Variants in ARHGAP45 observed in about 807,000 individuals in gnomAD.
ARHGAP45 encodes rho GTPase-activating protein 45.
A neutral mutation model predicts 116.1 loss-of-function variants in ARHGAP45; 56 were observed. The observed-to-expected ratio is 0.48, with a 90% CI of 0.39 to 0.60. The LOEUF is 0.60. ARHGAP45 is among the 20% of genes least tolerant of loss of function. The probability of loss-of-function intolerance (pLI) is 0.00; values close to 1 mark genes in which losing one functional copy is unlikely to be tolerated. For synonymous variants in ARHGAP45, 866 were observed against 701.7 expected (o/e 1.23, Z -3.70); for missense variants, 1,622 against 1,601.0 (o/e 1.01, Z -0.22).
chr19:1,072,009 G>C (rs1022443127), intron 2 of ARHGAP45, among the ~76,000 whole-genome samples: 21 of 151,502 alleles, frequency 1.4e-4, no homozygotes, highest in African/African-American at 5.1e-4. Flanking sequence ...TGTACTCTCT[G>C]CTTTTTTCTT....
Position 1,067,286 on chromosome 19 carries a change from G to A in ARHGAP45, c.-120G>A, listed in dbSNP as rs1169112295. ...CCAGTGACGGCCGGGCCTGTCACGT[G>A]GGCCTGACAGCTGGGGAGGGGGTGG... On this transcript the variant is annotated 5_prime_UTR_variant, in exon 1 of 23. Transcript: ENST00000313093. 10 of 1,415,218 alleles carry A rather than the reference G, an allele frequency of 7.1e-6. No homozygotes were observed. In the East Asian group the frequency reaches 2.3e-4, roughly 32 times the overall value. The allele number at this position is 1,415,218 out of a possible 1,614,324, so 87.7% of individuals were successfully genotyped here.
chr19:1,079,713 C>G lies in ARHGAP45; in HGVS notation c.1385C>G (p.Ala462Gly). ...CCGCCCCCACCGCAGGCGGAGGAAG[C>G]TATGGCCACCTACCGCACCTGCGTG... ...EEEAKNKAEE[A>G]MATYRTCVAD... The change falls in exon 12 of 23, where the codon GCT (alanine) becomes GGT (glycine). Residue 462 changes from alanine (A) to glycine (G), a missense_variant. This residue lies in a region of ARHGAP45 where 1,334 missense variants were observed against 1,263.8 expected (regional missense o/e 1.06). Coordinates refer to ENST00000313093, the MANE Select transcript of ARHGAP45 (RefSeq NM_012292.5). 5.0e-6 allele frequency: 8 copies of G among 1,612,612 alleles called. No homozygotes were observed. The highest frequency in any genetic ancestry group is 5.9e-6 in the Non-Finnish European group (7 of 1,179,752).
intron 17 of ARHGAP45, 99 bp from the exon 18 acceptor site, chr19:1,081,451 G>A (rs1369993068): frequency 2.5e-6 from 3 of 1,194,076 alleles, no homozygotes; most frequent in South Asian, 1.7e-5. Context: ...GCTGCCGTGT[G>A]GGGGCTGTGA....
intron 17 of ARHGAP45, chr19:1,081,305 C>G (rs924904358): frequency 3.1e-6 from 2 of 641,726 alleles, no homozygotes; most frequent in South Asian, 2.2e-5. Flanking sequence ...GGGCTGTGGC[C>G]AGAAGACCTG....
rs528935876 is a variant in ARHGAP45 at position 1,080,847 on chromosome 19, G to A, written c.2018-45G>A. ...GGTTTGGACACAGTCCATGGGCCTG[G>A]CCCTGAGCTGCCTTGGTGACACCGG... On this transcript the variant is annotated intron_variant, in intron 16 of 22. Coordinates refer to ENST00000313093, the MANE Select transcript of ARHGAP45 (RefSeq NM_012292.5). 1.1e-5 allele frequency: 17 copies of A among 1,606,768 alleles called. No individual in the cohort carries two copies. In the South Asian group the frequency reaches 1.3e-4, roughly 13 times the overall value.
chr19:1,073,268 G>A lies in ARHGAP45; in HGVS notation c.541G>A (p.Gly181Ser), dbSNP rs1428656872. ...CACCGTGGAGACGCTCACCGCAGCC[G>A]GCACCCTCATTGCCAAGGTCAAAGG... ...LNTVETLTAA[G>S]TLIAKVKAFH... is the part of the protein sequence containing the mutation. Residue 181 changes from glycine to serine, a missense_variant, in exon 3 of 23, where the codon GGC (glycine) becomes AGC (serine). By Grantham distance (56) the Gly-to-Ser change is moderately conservative (BLOSUM62 0). Coordinates refer to ENST00000313093, the MANE Select transcript of ARHGAP45 (RefSeq NM_012292.5). 3 of 1,613,590 alleles carry A rather than the reference G, an allele frequency of 1.9e-6. No individual in the cohort carries two copies. The highest frequency in any genetic ancestry group is 1.7e-5 in the Admixed American group (1 of 60,014).
chr19:1,071,070 C>G lies in ARHGAP45; in HGVS notation c.422-2079C>G, dbSNP rs1262814946. Among the ~76,000 whole-genome samples the G allele has an allele frequency of 6.6e-6, 1 of 152,192 alleles. No individual in the cohort carries two copies. The highest frequency in any genetic ancestry group is 2.1e-4 in the South Asian group (1 of 4,836). Reference sequence around the variant, plus strand: ...GCTTCCTCGTTCCCGGGCTTCAGGTCTGGGCCTCAGTTTCCCTGCCCGTCC... The same window carrying G: ...GCTTCCTCGTTCCCGGGCTTCAGGTGTGGGCCTCAGTTTCCCTGCCCGTCC... On this transcript the variant is annotated intron_variant, in intron 2 of 22. Transcript: ENST00000313093. The surrounding 1 kb of genome is among the most constrained non-coding windows in gnomAD (Gnocchi z 4.6).
chr19:1,084,099 T>G, intron 21 of ARHGAP45, 139 bp from the exon 22 acceptor site: 1 of 753,056 alleles, frequency 1.3e-6, no homozygotes. Flanking sequence ...GTTTCTCGGG[T>G]TTGCTCTTGG....
chr19:1,074,097 C>T lies in ARHGAP45; in HGVS notation c.791-7C>T, dbSNP rs762981282. The T allele has an allele frequency of 6.2e-7, 1 of 1,611,164 alleles. No individual in the cohort carries two copies. The highest frequency in any genetic ancestry group is 1.1e-5 in the South Asian group (1 of 90,844). ...GGCCAGGCTGAGCAGGCCCCCGTTC[C>T]CTGCAGGCTGCCTGCCCGCCGAGGA... On this transcript the variant is annotated splice_polypyrimidine_tract_variant and splice_region_variant and intron_variant, in intron 6 of 22. Coordinates refer to ENST00000313093, the MANE Select transcript of ARHGAP45 (RefSeq NM_012292.5).
At chr19:1,067,088 G>T, upstream of ARHGAP45, 1 of 896,484 alleles carries the variant, frequency 1.1e-6, no homozygotes, top group East Asian at 6.6e-5. Flanking sequence ...CGAGCGGCGC[G>T]GCTCCGAGCT....
intron 19 of ARHGAP45, chr19:1,082,625 G>A (rs2145082747): frequency 5.5e-6 from 3 of 550,016 alleles, no homozygotes; most frequent in Middle Eastern, 4.7e-4. Context: ...TGGCCAGAGC[G>A]AGAAAGGGAG....
rs773164539 is a variant in ARHGAP45 at position 1,080,734 on chromosome 19, G to A, written c.1965G>A (p.Thr655=). The A allele has an allele frequency of 8.7e-6, 14 of 1,613,578 alleles. No homozygotes were observed. Among genetic ancestry groups the A allele is most frequent in the Admixed American group, 1.7e-5 (1 of 60,022 alleles). ...CATCCAGTGGTACCATGTCGTCCACGGAGGAGCTGGTGGACCCAGACGGTG... is the reference window on the plus strand; with the variant it reads ...CATCCAGTGGTACCATGTCGTCCACAGAGGAGCTGGTGGACCCAGACGGTG... ...RTSSSGTMSS[T]EELVDPDGGA... The change falls in exon 16 of 23, where the codon ACG becomes ACA. Residue 655 remains threonine (T), a synonymous_variant. Coordinates refer to ENST00000313093, the MANE Select transcript of ARHGAP45 (RefSeq NM_012292.5).
At chr19:1,067,518 C>G (rs765879224) in intron 1 of ARHGAP45, 23 bp downstream of exon 1, 149 of 1,571,812 alleles carry the variant, frequency 9.5e-5, no homozygotes, top group Middle Eastern at 1.7e-4. Context: ...CGGGTGAGAC[C>G]CGGAGCTGAC....
At chr19:1,074,071 G>A (rs771489626) in intron 6 of ARHGAP45, 33 bp from the exon 7 acceptor site, 5 of 1,606,734 alleles carry the variant, frequency 3.1e-6, no homozygotes, top group African/African-American at 2.7e-5. Context: ...TGCGCGGGTC[G>A]GGCCAGGCTG....
intron 11 of ARHGAP45, 63 bp from the exon 12 acceptor site, chr19:1,079,639 GT>G: frequency 1.9e-6 from 3 of 1,572,946 alleles, no homozygotes; most frequent in Non-Finnish European, 2.6e-6. Flanking sequence ...CCTCCCTGAG[GT>G]TTCTGTCTGA....
Position 1,074,939 on chromosome 19 carries a change from C to T in ARHGAP45, c.1185+60C>T, listed in dbSNP as rs2043211962. 2.9e-6 allele frequency: 4 copies of T among 1,362,542 alleles called. No individual in the cohort carries two copies. In the East Asian group the frequency reaches 8.4e-5, roughly 29 times the overall value. The allele number at this position is 1,362,542 out of a possible 1,614,324, so 84.4% of individuals were successfully genotyped here. ...CAGCGGGCCTCGGCGCAGGCGCAGT[C>T]CCAGCCCCAGCCCCATAGCGAGGGC... On this transcript the variant is annotated intron_variant, in intron 10 of 22. Transcript: ENST00000313093.
At chr19:1,082,039 G>A in intron 19 of ARHGAP45, 78 bp downstream of exon 19, 1 of 1,388,868 alleles carries the variant, frequency 7.2e-7, no homozygotes, top group East Asian at 2.9e-5. Context: ...GGGGGTCCGG[G>A]AGCTGGAGCA....
chr19:1,081,314 T>G (rs2043427153), intron 17 of ARHGAP45: 1 of 638,066 alleles, frequency 1.6e-6, no homozygotes, highest in Admixed American at 3.0e-5. Flanking sequence ...CCAGAAGACC[T>G]GGAGGGCAAA....
rs375148153 is a variant in ARHGAP45, at chr19:1,077,481, G to T, written c.1186-376G>T. ...AACCTTCGCCTCCTGGGTTCAAGCT[G>T]TTCGCGATTCTAGTGCCTCAGCCTC... On this transcript the variant is annotated intron_variant, in intron 10 of 22. Coordinates refer to ENST00000313093, the MANE Select transcript of ARHGAP45 (RefSeq NM_012292.5). The T allele has an allele frequency of 4.8e-5, 49 of 1,018,796 alleles. No individual in the cohort carries two copies. In the African/African-American group the frequency reaches 8.2e-4, roughly 17 times the overall value. 63.1% of individuals were successfully genotyped at this position (1,018,796 alleles called of 1,614,324 possible).
Sources: allele counts gnomAD v4.1 joint callset (sites outside exome capture counted in the v4.1 genomes callset), GRCh38; gene constraint gnomAD v4.1.1; regional missense constraint gnomAD v4.1.1; non-coding constraint Gnocchi (gnomAD v3.1); transcripts MANE v1.5; gene names NCBI Gene and HGNC (gene_info 2026-07-23, HGNC 2026-07-21).